The following ANKRD36 variants were observed in gnomAD, a reference collection of about 807,000 sequenced individuals.
ANKRD36 encodes ankyrin repeat domain-containing protein 36A.
A neutral mutation model predicts 278.1 loss-of-function variants in ANKRD36; 179 were observed. The ratio of observed to expected loss-of-function variants is 0.64; its 90% CI spans 0.57 to 0.73. The LOEUF (loss-of-function observed/expected upper bound fraction) is 0.73. Among genes scored for constraint, ANKRD36 ranks in the 30% least tolerant of loss-of-function variants. The pLI, the probability that ANKRD36 is intolerant of heterozygous loss-of-function variation, is 0.00. For synonymous variants in ANKRD36, 320 were observed against 641.1 expected, an observed-to-expected ratio of 0.50 and a Z score of 7.57; for missense variants, 1,159 against 1,956.7, an observed-to-expected ratio of 0.59 and a Z score of 7.69.
At chr2:97,195,376 T>G (rs1182003333) in intron 40 of ANKRD36, among the ~76,000 whole-genome samples, 1 of 151,964 alleles carries the variant, frequency 6.6e-6, no homozygotes, top group Admixed American at 6.6e-5. Context: ...GAAGACGGAT[T>G]GTGAGGCAGG....
At chr2:97,202,943 T>C (rs1424559800) in intron 48 of ANKRD36, among the ~76,000 whole-genome samples, 1 of 151,700 alleles carries the variant, frequency 6.6e-6, no homozygotes, top group Non-Finnish European at 1.5e-5. Context: ...TCAGATGCAT[T>C]TGGAATATTT....
rs1351663226 is a variant in ANKRD36 at position 97,192,842 on chromosome 2, C to T, written c.2348-16C>T. On this transcript the variant is annotated splice_polypyrimidine_tract_variant and intron_variant, in intron 36 of 75. Coordinates refer to ENST00000420699, the MANE Select transcript of ANKRD36 (RefSeq NM_001354587.1). Reference sequence around the variant, plus strand: ...TAGTTACATATGAGTGATTATGTATCCCTTTTGCTTTTCAGTGTCTTCTCA... The same window carrying T: ...TAGTTACATATGAGTGATTATGTATTCCTTTTGCTTTTCAGTGTCTTCTCA... The T allele has an allele frequency of 1.3e-6, 2 of 1,599,930 alleles. No homozygotes were observed. The highest frequency in any genetic ancestry group is 1.7e-6 in the Non-Finnish European group (2 of 1,174,836).
At position 97,189,207 on chromosome 2, in the gene ANKRD36, A is replaced by G. The variant is rs1558613187; in HGVS notation, c.2173-11A>G. The G allele has an allele frequency of 5.3e-6, 4 of 752,448 alleles. 2 individuals carry two copies. The highest frequency in any genetic ancestry group is 9.0e-6 in the Non-Finnish European group (4 of 444,534). 46.6% of individuals were successfully genotyped at this position (752,448 alleles called of 1,614,324 possible). On this transcript the variant is annotated splice_polypyrimidine_tract_variant and intron_variant, in intron 33 of 75. Coordinates refer to ENST00000420699, the MANE Select transcript of ANKRD36 (RefSeq NM_001354587.1). ...TTATTTATTTATTATTTTCTTTCAAATTCCATTAAGGCTACAACTGACGAG... is the reference window on the plus strand; with the variant it reads ...TTATTTATTTATTATTTTCTTTCAAGTTCCATTAAGGCTACAACTGACGAG...
chr2:97,171,733 AC>A (rs1219261180), intron 22 of ANKRD36, among the ~76,000 whole-genome samples: 4 of 151,650 alleles, frequency 2.6e-5, no homozygotes, highest in Admixed American at 6.6e-5. Context: ...AAAAAAAAAA[AC>A]AAAAACAAAA....
intron 42 of ANKRD36, among the ~76,000 whole-genome samples, chr2:97,197,679 T>C (rs2060161155): frequency 6.6e-6 from 1 of 151,932 alleles, no homozygotes; most frequent in African/African-American, 2.4e-5. Flanking sequence ...TCAATGAGTA[T>C]TGCTGTGATT....
intron 6 of ANKRD36, among the ~76,000 whole-genome samples, chr2:97,141,090 G>A (rs370967535): frequency 6.6e-6 from 1 of 151,224 alleles, no homozygotes; most frequent in African/African-American, 2.4e-5. Context: ...AAGCTGTGTT[G>A]GCTGAGGTAG....
At chr2:97,195,410 T>G (rs1219095860) in intron 40 of ANKRD36, among the ~76,000 whole-genome samples, 7 of 151,952 alleles carry the variant, frequency 4.6e-5, no homozygotes, top group African/African-American at 1.7e-4. Flanking sequence ...AGGAAGTCAT[T>G]TATATAATTT....
rs142976889 is a variant in ANKRD36, at chr2:97,127,913, A to G, written c.799+779A>G. ...ATCAGTGAAGAGGCCATGTTGATCT[A>G]GGAAATATAAAAGTATTTATTTGGT... On this transcript the variant is annotated intron_variant, in intron 6 of 75. Coordinates refer to ENST00000420699, the MANE Select transcript of ANKRD36 (RefSeq NM_001354587.1). Among the ~76,000 whole-genome samples the G allele has an allele frequency of 8.7e-4, 133 of 152,126 alleles. 3 individuals are homozygous for G. The East Asian group carries it at 0.025, about 29-fold the overall frequency.
chr2:97,232,753 C>G, intron 67 of ANKRD36, among the ~76,000 whole-genome samples: 1 of 149,512 alleles, frequency 6.7e-6, no homozygotes, highest in Non-Finnish European at 1.5e-5. Flanking sequence ...GTGAAAACGA[C>G]AACAAACCAG....
At chr2:97,190,928 C>A (rs758135051) in intron 34 of ANKRD36, 50 bp from the exon 35 acceptor site, 5 of 1,593,940 alleles carry the variant, frequency 3.1e-6, no homozygotes, top group Middle Eastern at 4.6e-4. Context: ...GTATGGATAA[C>A]TTTATCATGT....
intron 6 of ANKRD36, among the ~76,000 whole-genome samples, chr2:97,141,038 A>T (rs892486557): frequency 7.9e-5 from 12 of 151,752 alleles, no homozygotes; most frequent in Non-Finnish European, 1.6e-4. Flanking sequence ...GCATATTGGG[A>T]TGCAGCTTAA....
intron 67 of ANKRD36, among the ~76,000 whole-genome samples, chr2:97,225,660 A>G (rs955578605): frequency 2.6e-5 from 4 of 152,068 alleles, no homozygotes; most frequent in Admixed American, 2.0e-4. Context: ...GTTTTAGGGA[A>G]CACTTGCACA....
intron 6 of ANKRD36, among the ~76,000 whole-genome samples, chr2:97,134,674 G>A (rs1184484082): frequency 3.3e-5 from 5 of 152,178 alleles, no homozygotes; most frequent in Admixed American, 1.3e-4. Context: ...AAGTGACAAA[G>A]ATTTGTTGTT....
intron 32 of ANKRD36, 93 bp downstream of exon 32, chr2:97,187,494 G>GGGGGGGGGGGGGGGT: frequency 2.1e-5 from 2 of 95,518 alleles, no homozygotes; most frequent in South Asian, 1.4e-4. Context: ...GGGTGGGGGG[G>GGGGGGGGGGGGGGGT]CTCGCCGAAG....
intron 6 of ANKRD36, among the ~76,000 whole-genome samples, chr2:97,140,918 T>A (rs2042739038): frequency 1.3e-5 from 2 of 151,892 alleles, no homozygotes; most frequent in South Asian, 4.2e-4. Flanking sequence ...TTGTGGGGAG[T>A]CACTTAATGG....
chr2:97,114,291 T>G (rs1321487655), intron 1 of ANKRD36, among the ~76,000 whole-genome samples: 20 of 71,986 alleles, frequency 2.8e-4, no homozygotes, highest in Admixed American at 6.8e-4. Flanking sequence ...GAGGTGGGGG[T>G]GAGGGGTGGG....
chr2:97,177,891 A>G (rs965072855), intron 22 of ANKRD36, among the ~76,000 whole-genome samples: 18 of 151,630 alleles, frequency 1.2e-4, no homozygotes, highest in Non-Finnish European at 2.4e-4. Context: ...TGAACAGGCA[A>G]CCTACAAAAT....
chr2:97,202,101 T>C (rs2061536425), intron 46 of ANKRD36, 101 bp from the exon 47 acceptor site: 5 of 1,578,034 alleles, frequency 3.2e-6, no homozygotes, highest in African/African-American at 1.4e-5. Flanking sequence ...CCTATGCTAA[T>C]ACAGGCAGGA....
At chr2:97,229,423 G>C (rs1187670577) in intron 67 of ANKRD36, among the ~76,000 whole-genome samples, 2 of 152,064 alleles carry the variant, frequency 1.3e-5, no homozygotes, top group Non-Finnish European at 2.9e-5. Flanking sequence ...ATCTTTGTTG[G>C]TTTAAAGTCT....
Sources: gnomAD v4.1 joint callset for allele counts (sites outside exome capture counted in the v4.1 genomes callset) on GRCh38, gnomAD v4.1.1 for gene constraint, MANE v1.5 for transcripts, NCBI Gene and HGNC (gene_info 2026-07-23, HGNC 2026-07-21) for gene names.